RUNDC3B: variants seen among roughly 807,000 people sequenced by gnomAD.
RUNDC3B encodes RUN domain containing 3B, also known as RUN domain-containing protein 3B.
A neutral mutation model predicts 58.4 loss-of-function variants in RUNDC3B; 33 were observed. That is an observed-to-expected ratio of 0.56 (90% confidence interval 0.43 to 0.75). The LOEUF is 0.75. Ranked by LOEUF, RUNDC3B falls within the 30% of genes least tolerant of loss-of-function variation. The probability of loss-of-function intolerance (pLI) is 0.00; values close to 1 mark genes in which losing one functional copy is unlikely to be tolerated. For missense variants in RUNDC3B, 501 were observed against 535.7 expected, an observed-to-expected ratio of 0.94 and a Z score of 0.64; for synonymous variants, 193 against 195.2, an observed-to-expected ratio of 0.99 and a Z score of 0.10.
intron 8 of RUNDC3B, among the ~76,000 whole-genome samples, chr7:87,781,940 T>C (rs1834946078): frequency 6.6e-6 from 1 of 152,040 alleles, no homozygotes; most frequent in African/African-American, 2.4e-5. Flanking sequence ...TGGCCTATAG[T>C]TTTCTTTTTT....
intron 2 of RUNDC3B, among the ~76,000 whole-genome samples, chr7:87,698,764 G>A (rs1234880473): frequency 6.6e-6 from 1 of 152,178 alleles, no homozygotes; most frequent in Non-Finnish European, 1.5e-5. Context: ...CGCCTAATAT[G>A]TGAAATAATC....
At chr7:87,790,221 A>T (rs1348146325) in intron 8 of RUNDC3B, among the ~76,000 whole-genome samples, 4 of 152,212 alleles carry the variant, frequency 2.6e-5, no homozygotes, top group Non-Finnish European at 5.9e-5. Context: ...AGGGAAAAGG[A>T]CAATAGTCTT....
chr7:87,763,736 A>AT (rs1380000940), intron 6 of RUNDC3B, among the ~76,000 whole-genome samples: 2 of 151,452 alleles, frequency 1.3e-5, no homozygotes, highest in African/African-American at 4.8e-5. Flanking sequence ...TCAGCCATTA[A>AT]TTTTTTTCTG....
intron 8 of RUNDC3B, among the ~76,000 whole-genome samples, chr7:87,779,369 T>C (rs375864227): frequency 1.3e-5 from 2 of 152,200 alleles, no homozygotes; most frequent in Admixed American, 6.5e-5. Flanking sequence ...AGAATTCTTA[T>C]AGAATGTCCC....
At chr7:87,639,849 A>AC (rs1822243465) in intron 1 of RUNDC3B, among the ~76,000 whole-genome samples, 1 of 151,970 alleles carries the variant, frequency 6.6e-6, no homozygotes, top group African/African-American at 2.4e-5. Flanking sequence ...TGATAATCTT[A>AC]GTCTTTTAAT....
intron 4 of RUNDC3B, among the ~76,000 whole-genome samples, chr7:87,731,518 A>G (rs550779397): frequency 4.2e-4 from 64 of 152,230 alleles, no homozygotes; most frequent in Non-Finnish European, 6.5e-4. Flanking sequence ...GTTGCCTACA[A>G]GAAACATATT....
chr7:87,679,445 A>G (rs955649813), intron 2 of RUNDC3B, among the ~76,000 whole-genome samples: 30 of 149,650 alleles, frequency 2.0e-4, no homozygotes, highest in African/African-American at 6.2e-4. Flanking sequence ...TTGGAGTGCA[A>G]TGGCACAATC....
intron 8 of RUNDC3B, among the ~76,000 whole-genome samples, chr7:87,782,577 A>G (rs898466310): frequency 6.6e-6 from 1 of 152,006 alleles, no homozygotes; most frequent in African/African-American, 2.4e-5. Context: ...TTGATTTAAG[A>G]TCTTTCTAAC....
chr7:87,651,326 T>A (rs1221120523), intron 2 of RUNDC3B, among the ~76,000 whole-genome samples: 1 of 152,150 alleles, frequency 6.6e-6, no homozygotes, highest in Non-Finnish European at 1.5e-5. Context: ...TGTAAATGTT[T>A]TAGCAGGTAG....
At chr7:87,693,969 C>T (rs1828254036) in intron 2 of RUNDC3B, 1 of 1,611,026 alleles carries the variant, frequency 6.2e-7, no homozygotes. Context: ...GTACTCTATG[C>T]TGGTGATGTC....
chr7:87,634,487 TGGG>T (rs1399273733), intron 1 of RUNDC3B, among the ~76,000 whole-genome samples: 3 of 906 alleles, frequency 3.3e-3, no homozygotes, highest in Non-Finnish European at 6.4e-3. Context: ...GGCGTGGTGG[TGGG>T]GGGTGGGGGG....
intron 4 of RUNDC3B, among the ~76,000 whole-genome samples, chr7:87,722,198 T>G (rs1227012674): frequency 2.0e-5 from 3 of 152,104 alleles, no homozygotes; most frequent in African/African-American, 7.2e-5. Flanking sequence ...TACTTATCAT[T>G]TTTTGTAGTG....
At chr7:87,730,779 T>C (rs1206143142) in intron 4 of RUNDC3B, among the ~76,000 whole-genome samples, 3 of 152,008 alleles carry the variant, frequency 2.0e-5, no homozygotes, top group Non-Finnish European at 4.4e-5. Context: ...GTGCTGACTT[T>C]GGATCTGACT....
At chr7:87,674,093 A>C (rs940912870) in intron 2 of RUNDC3B, among the ~76,000 whole-genome samples, 1 of 152,128 alleles carries the variant, frequency 6.6e-6, no homozygotes, top group Admixed American at 6.5e-5. Context: ...GGAAGGGCCA[A>C]GGTGTTTTCA....
intron 6 of RUNDC3B, among the ~76,000 whole-genome samples, chr7:87,762,910 T>C (rs1396276308): frequency 6.6e-6 from 1 of 151,592 alleles, no homozygotes; most frequent in African/African-American, 2.4e-5. Context: ...GCTTTGTCTT[T>C]TAACTGAAGT....
intron 2 of RUNDC3B, among the ~76,000 whole-genome samples, chr7:87,668,821 T>C (rs1342993315): frequency 2.0e-5 from 3 of 152,202 alleles, no homozygotes; most frequent in African/African-American, 7.2e-5. Flanking sequence ...TCTATTTTTA[T>C]TGCTCTGTGA....
intron 4 of RUNDC3B, among the ~76,000 whole-genome samples, chr7:87,720,724 C>G (rs1830832055): frequency 6.6e-6 from 1 of 151,566 alleles, no homozygotes; most frequent in South Asian, 2.1e-4. Flanking sequence ...ACTCAGCCTC[C>G]TGAGTAGCTG....
Position 87,775,631 on chromosome 7 carries a change from C to A in RUNDC3B, c.799-2167C>A, listed in dbSNP as rs1584177097. On this transcript the variant is annotated intron_variant, in intron 7 of 10. Transcript: ENST00000394654. ...TCACTTTGAGCAATTTCCAGTCCTG[C>A]AAGTTCCATTTCACAGTAATGGCCT... Among the ~76,000 whole-genome samples, 4 of 152,174 alleles carry A rather than the reference C, an allele frequency of 2.6e-5. No homozygotes were observed. The South Asian group carries it at 8.3e-4, about 32-fold the overall frequency.
At chr7:87,667,696 C>T (rs1045423731) in intron 2 of RUNDC3B, among the ~76,000 whole-genome samples, 2 of 151,822 alleles carry the variant, frequency 1.3e-5, no homozygotes, top group Admixed American at 1.3e-4. Flanking sequence ...TAACATGAAG[C>T]GGTGTTGAAT....
Sources: gnomAD v4.1 joint callset for allele counts (sites outside exome capture counted in the v4.1 genomes callset) on GRCh38, gnomAD v4.1.1 for gene constraint, MANE v1.5 for transcripts, NCBI Gene and HGNC (gene_info 2026-07-23, HGNC 2026-07-21) for gene names.